Variants in ARHGAP24 observed in about 807,000 individuals in gnomAD.
ARHGAP24 encodes rho GTPase-activating protein 24.
Under a neutral mutation model 76.4 loss-of-function variants are expected in ARHGAP24, and 50 were observed. The observed-to-expected ratio is 0.65, with a 90% CI of 0.52 to 0.83. The LOEUF (loss-of-function observed/expected upper bound fraction) is 0.83. Among genes scored for constraint, ARHGAP24 ranks in the 40% least tolerant of loss-of-function variants. The pLI, the probability that ARHGAP24 is intolerant of heterozygous loss-of-function variation, is 0.00. For synonymous variants in ARHGAP24, 345 were observed against 323.3 expected (o/e 1.07, Z -0.72); for missense variants, 930 against 914.2 (o/e 1.02, Z -0.22).
At chr4:85,624,095 T>C (rs1043186320) in intron 2 of ARHGAP24, among the ~76,000 whole-genome samples, 2 of 152,198 alleles carry the variant, frequency 1.3e-5, no homozygotes, top group Admixed American at 6.5e-5. Context: ...TCCTGAGTGA[T>C]TGCCCTGGTA....
At position 85,797,060 on chromosome 4, in the gene ARHGAP24, G is replaced by A. The variant is rs538969601; in HGVS notation, c.268+75088G>A. On this transcript the variant is annotated intron_variant, in intron 3 of 9. Transcript: ENST00000395184. The stretch of plus-strand genomic sequence containing the variant: ...TGCGGAGCCAGCATACAGGCTCTAG[G>A]AAGCAAAATCCCATTTTCTTCTGCA... Among the ~76,000 whole-genome samples, 17 of 152,312 alleles carry A rather than the reference G, an allele frequency of 1.1e-4. No individual in the cohort carries two copies. The East Asian group carries it at 3.3e-3, about 29-fold the overall frequency.
chr4:85,779,011 G>A (rs1727420127), intron 3 of ARHGAP24: 1 of 984,692 alleles, frequency 1.0e-6, no homozygotes, highest in African/African-American at 1.7e-5. Flanking sequence ...TTTGTTTTGG[G>A]GACAAGTATT....
At chr4:85,623,641 G>A (rs1162438082) in intron 2 of ARHGAP24, among the ~76,000 whole-genome samples, 2 of 151,674 alleles carry the variant, frequency 1.3e-5, no homozygotes, top group Non-Finnish European at 2.9e-5. Flanking sequence ...GTCATTGGTA[G>A]CTTGATGGGG....
intron 2 of ARHGAP24, among the ~76,000 whole-genome samples, chr4:85,613,288 T>C (rs2109997817): frequency 6.6e-6 from 1 of 152,352 alleles, no homozygotes; most frequent in East Asian, 1.9e-4. Flanking sequence ...TTCTGAATTT[T>C]ATCCATGTTG....
chr4:85,689,549 G>C (rs1260718612), intron 2 of ARHGAP24, among the ~76,000 whole-genome samples: 9 of 151,984 alleles, frequency 5.9e-5, no homozygotes, highest in Admixed American at 5.2e-4. Flanking sequence ...ACCACACCTG[G>C]CTACTTTTTT....
At chr4:85,667,918 C>T (rs758475611) in intron 2 of ARHGAP24, among the ~76,000 whole-genome samples, 2 of 152,062 alleles carry the variant, frequency 1.3e-5, no homozygotes, top group African/African-American at 2.4e-5. Context: ...TTAAATTGAG[C>T]GTAGGGTCTG....
At chr4:85,668,454 G>T (rs191018272) in intron 2 of ARHGAP24, among the ~76,000 whole-genome samples, 1 of 152,168 alleles carries the variant, frequency 6.6e-6, no homozygotes. Context: ...GAGAGCAAAG[G>T]GTGCTGATAC....
chr4:85,975,046 A>C (rs926803925), intron 7 of ARHGAP24, 85 bp downstream of exon 7: 1 of 1,212,484 alleles, frequency 8.2e-7, no homozygotes, highest in East Asian at 2.3e-5. Flanking sequence ...GAATAAAATC[A>C]CTCAACTACT....
At chr4:85,623,823 AT>A (rs565022545) in intron 2 of ARHGAP24, among the ~76,000 whole-genome samples, 34 of 151,066 alleles carry the variant, frequency 2.3e-4, no homozygotes, top group Non-Finnish European at 4.1e-4. Context: ...TGTAAGTTGG[AT>A]TCCTAGGTAT....
intron 3 of ARHGAP24, among the ~76,000 whole-genome samples, chr4:85,846,148 G>T (rs1307978883): frequency 6.6e-6 from 1 of 151,908 alleles, no homozygotes; most frequent in South Asian, 2.1e-4. Context: ...CAGGTGATCC[G>T]CCCGCCTCGG....
chr4:85,949,131 A>G (rs1374730513), intron 5 of ARHGAP24, among the ~76,000 whole-genome samples: 4 of 152,114 alleles, frequency 2.6e-5, no homozygotes, highest in Admixed American at 6.6e-5. Flanking sequence ...TTTAATAAGC[A>G]TTTACCTTTC....
chr4:85,895,239 A>G (rs1045459880), intron 3 of ARHGAP24, among the ~76,000 whole-genome samples: 9 of 152,304 alleles, frequency 5.9e-5, no homozygotes, highest in Admixed American at 5.9e-4. Context: ...TAAAAGAAAC[A>G]GAATTGCTAA....
chr4:85,840,884 C>G (rs1730560826), intron 3 of ARHGAP24, among the ~76,000 whole-genome samples: 1 of 152,162 alleles, frequency 6.6e-6, no homozygotes, highest in Non-Finnish European at 1.5e-5. Flanking sequence ...ACTAATTTAT[C>G]AGACGTGAAA....
intron 3 of ARHGAP24, among the ~76,000 whole-genome samples, chr4:85,751,656 A>C (rs1367450093): frequency 6.6e-6 from 1 of 152,214 alleles, no homozygotes; most frequent in Non-Finnish European, 1.5e-5. Flanking sequence ...AACAGTGTGG[A>C]TTGTAAACAC....
chr4:85,538,798 C>T (rs1725570917), intron 1 of ARHGAP24, among the ~76,000 whole-genome samples: 1 of 152,104 alleles, frequency 6.6e-6, no homozygotes, highest in African/African-American at 2.4e-5. Context: ...TGGAAATAAT[C>T]AAACTCAACA....
At chr4:85,933,830 A>T (rs999390352) in intron 4 of ARHGAP24, among the ~76,000 whole-genome samples, 3 of 152,180 alleles carry the variant, frequency 2.0e-5, no homozygotes, top group Non-Finnish European at 4.4e-5. Context: ...TTAGATTTTT[A>T]AAGTCCACCT....
chr4:85,759,796 T>C (rs1219237594), intron 3 of ARHGAP24, among the ~76,000 whole-genome samples: 1 of 152,206 alleles, frequency 6.6e-6, no homozygotes, highest in Non-Finnish European at 1.5e-5. Context: ...CTTGAAACTC[T>C]CAGCAGGCTT....
intron 3 of ARHGAP24, among the ~76,000 whole-genome samples, chr4:85,784,517 A>G (rs1281672884): frequency 6.6e-6 from 1 of 151,924 alleles, no homozygotes; most frequent in Non-Finnish European, 1.5e-5. Flanking sequence ...CTTCCTCCAG[A>G]TGCACAATGC....
At chr4:85,784,176 C>A (rs1297168785) in intron 3 of ARHGAP24, among the ~76,000 whole-genome samples, 2 of 152,254 alleles carry the variant, frequency 1.3e-5, no homozygotes, top group African/African-American at 4.8e-5. Context: ...TCTGTCTTCA[C>A]CTTCTGTTCT....
Sources: gnomAD v4.1 joint callset for allele counts (sites outside exome capture counted in the v4.1 genomes callset) on GRCh38, gnomAD v4.1.1 for gene constraint, MANE v1.5 for transcripts, NCBI Gene and HGNC (gene_info 2026-07-23, HGNC 2026-07-21) for gene names.